Variants in MYRFL observed in about 807,000 individuals in gnomAD.
MYRFL encodes myelin regulatory factor-like protein.
MYRFL carries 88 observed loss-of-function variants against 109.4 expected under a neutral mutation model. The observed-to-expected ratio is 0.80, with a 90% CI of 0.68 to 0.96. MYRFL has a LOEUF of 0.96. Ranked by LOEUF, MYRFL falls within the 40% of genes least tolerant of loss-of-function variation. The pLI, the probability that MYRFL is intolerant of heterozygous loss-of-function variation, is 0.00. For synonymous variants in MYRFL, 324 were observed against 320.9 expected (o/e 1.01, Z -0.10); for missense variants, 957 against 954.9 (o/e 1.00, Z -0.03).
At chr12:69,948,787 T>C (rs188460286) in intron 19 of MYRFL, among the ~76,000 whole-genome samples, 4 of 152,342 alleles carry the variant, frequency 2.6e-5, no homozygotes, top group African/African-American at 7.2e-5. Context: ...CCATGTTGGG[T>C]TCAGAAACTT....
At chr12:69,855,210 G>C in intron 1 of MYRFL, 70 bp from the exon 2 acceptor site, 2 of 661,584 alleles carry the variant, frequency 3.0e-6, no homozygotes, top group South Asian at 3.3e-5. Flanking sequence ...TTAAAGATTT[G>C]TCAGTGTTTT....
intron 1 of MYRFL, among the ~76,000 whole-genome samples, chr12:69,828,489 CTA>C (rs1351641195): frequency 2.6e-5 from 4 of 152,024 alleles, no homozygotes; most frequent in Admixed American, 2.6e-4. Flanking sequence ...TATTATATTT[CTA>C]TGAGAGTCAT....
chr12:69,846,157 T>A (rs1171678828), intron 1 of MYRFL, among the ~76,000 whole-genome samples: 2 of 148,150 alleles, frequency 1.3e-5, no homozygotes, highest in Admixed American at 1.4e-4. Flanking sequence ...TACTAGATAC[T>A]TTTGTATGTC....
intron 2 of MYRFL, among the ~76,000 whole-genome samples, chr12:69,863,271 T>A (rs914273009): frequency 6.8e-4 from 103 of 152,250 alleles, no homozygotes; most frequent in African/African-American, 2.3e-3. Flanking sequence ...TCATAAAATG[T>A]GTTAGGGAGG....
At chr12:69,912,810 A>C (rs897843564) in intron 13 of MYRFL, among the ~76,000 whole-genome samples, 1 of 152,154 alleles carries the variant, frequency 6.6e-6, no homozygotes, top group South Asian at 2.1e-4. Context: ...TTTAGGGGGA[A>C]TATTTACTCA....
rs780487041 is a variant in MYRFL, at chr12:69,936,456, C to T, written c.2048C>T (p.Pro683Leu). 9.1e-6 allele frequency: 14 copies of T among 1,535,240 alleles called. No individual in the cohort carries two copies. The Middle Eastern group carries it at 5.0e-4, about 55-fold the overall frequency. ...CCCCCTGCCCAATGCCTTGCAGCACCTAATACATCCCTGGTAACCACACCG... is the reference window on the plus strand; with the variant it reads ...CCCCCTGCCCAATGCCTTGCAGCACTTAATACATCCCTGGTAACCACACCG... The part of the protein sequence containing the change: ...ALLPTASSSA[P>L]NTSLVTTPAS... The change falls in exon 19 of 25, where the codon CCT becomes CTT. Residue 683 changes from proline to leucine, a missense_variant. Pro to Leu is a moderately conservative substitution (Grantham distance 98, BLOSUM62 -3). Coordinates refer to ENST00000552032, the MANE Select transcript of MYRFL (RefSeq NM_182530.3).
intron 10 of MYRFL, among the ~76,000 whole-genome samples, chr12:69,899,131 G>C (rs1012596767): frequency 3.3e-5 from 5 of 152,130 alleles, no homozygotes; most frequent in Non-Finnish European, 5.9e-5. Flanking sequence ...TGGTTAGAGA[G>C]AATACCCTAT....
At chr12:69,836,021 C>A (rs943694265) in intron 1 of MYRFL, among the ~76,000 whole-genome samples, 1 of 152,156 alleles carries the variant, frequency 6.6e-6, no homozygotes, top group Non-Finnish European at 1.5e-5. Context: ...CTTGGTGTAC[C>A]GGAAGAATCG....
chr12:69,891,623 C>CTTT (rs373342128), intron 7 of MYRFL, among the ~76,000 whole-genome samples: 10 of 30,764 alleles, frequency 3.3e-4, no homozygotes, highest in African/African-American at 5.2e-4. Context: ...TTCTTTCTTT[C>CTTT]CTCCTTCCTT....
chr12:69,955,316 T>G, intron 21 of MYRFL, 47 bp from the exon 22 acceptor site: 1 of 595,180 alleles, frequency 1.7e-6, no homozygotes, highest in Non-Finnish European at 3.0e-6. Flanking sequence ...CTTCGAAGAC[T>G]TTCCTGCATA....
At chr12:69,837,952 T>C (rs956725743) in intron 1 of MYRFL, among the ~76,000 whole-genome samples, 7 of 152,174 alleles carry the variant, frequency 4.6e-5, no homozygotes, top group Admixed American at 3.9e-4. Flanking sequence ...TACATAGCAG[T>C]CACTCAAATG....
chr12:69,878,217 T>C (rs1188011093), intron 2 of MYRFL, among the ~76,000 whole-genome samples: 13 of 129,418 alleles, frequency 1.0e-4, no homozygotes, highest in Non-Finnish European at 2.0e-4. Context: ...TACTCCAGCC[T>C]GGGTAACAGA....
chr12:69,862,243 G>C (rs1233214108), intron 2 of MYRFL, among the ~76,000 whole-genome samples: 4 of 149,060 alleles, frequency 2.7e-5, no homozygotes, highest in Admixed American at 6.6e-5. Flanking sequence ...CTCTTTTTTG[G>C]TTCCATATGA....
intron 5 of MYRFL, among the ~76,000 whole-genome samples, chr12:69,880,951 G>GTTTTTTTTTTTTTTTTTTTTTTTT (rs71094746): frequency 1.8e-5 from 2 of 112,634 alleles, no homozygotes; most frequent in Admixed American, 1.0e-4. Flanking sequence ...CAGCCTTCCT[G>GTTTTTTTTTTTTTTTTTTTTTTTT]TTTTTTTTTT....
intron 2 of MYRFL, among the ~76,000 whole-genome samples, chr12:69,867,952 A>G (rs1420510130): frequency 6.6e-6 from 1 of 152,204 alleles, no homozygotes; most frequent in Admixed American, 6.5e-5. Flanking sequence ...ACCTATAATA[A>G]TAAGTAATTT....
Position 69,952,856 on chromosome 12 carries a change from A to G in MYRFL, c.2345A>G (p.His782Arg). The part of the protein sequence containing the change: ...QIMEIQQIID[H>R]QYCIQSLQCG... ...ATGGAAATCCAGCAAATAATAGATCATCAGTATTGCATTCAAAGCCTCCAG... is the reference window on the plus strand; with the variant it reads ...ATGGAAATCCAGCAAATAATAGATCGTCAGTATTGCATTCAAAGCCTCCAG... The change falls in exon 21 of 25, where the codon CAT becomes CGT. Residue 782 changes from histidine (H) to arginine (R), a missense_variant. By Grantham distance (29) the His-to-Arg change is conservative. Coordinates refer to ENST00000552032, the MANE Select transcript of MYRFL (RefSeq NM_182530.3). 2 of 1,535,808 alleles carry G rather than the reference A, an allele frequency of 1.3e-6. No individual in the cohort carries two copies. Among genetic ancestry groups the G allele is most frequent in the South Asian group, 2.4e-5 (2 of 83,988 alleles).
intron 16 of MYRFL, 35 bp from the exon 17 acceptor site, chr12:69,936,078 G>GTTTTTTTTTTTTTTTTTTTTTTTTTTT: frequency 1.1e-6 from 1 of 891,622 alleles, no homozygotes. Context: ...GCCACATAAT[G>GTTTTTTTTTTTTTTTTTTTTTTTTTTT]TTTTTTTTTT....
chr12:69,861,770 A>G (rs745316883), intron 2 of MYRFL, among the ~76,000 whole-genome samples: 4,838 of 149,646 alleles, frequency 0.032, 79 homozygotes, highest in Non-Finnish European at 0.048. Flanking sequence ...CCATTTGTCA[A>G]TTTTGGCTTT....
At chr12:69,841,045 G>A (rs543851559) in intron 1 of MYRFL, among the ~76,000 whole-genome samples, 1 of 152,268 alleles carries the variant, frequency 6.6e-6, no homozygotes, top group Non-Finnish European at 1.5e-5. Context: ...CGTTACTTCC[G>A]TTTGAAATAA....
Sources: allele counts gnomAD v4.1 joint callset (sites outside exome capture counted in the v4.1 genomes callset), GRCh38; gene constraint gnomAD v4.1.1; transcripts MANE v1.5; gene names NCBI Gene and HGNC (gene_info 2026-07-23, HGNC 2026-07-21).